The following THOC7 variants were observed in gnomAD, a reference collection of about 807,000 sequenced individuals.
THOC7 encodes NIF3L1-binding protein 1.
A neutral mutation model predicts 33.1 loss-of-function variants in THOC7; 22 were observed. The observed-to-expected ratio is 0.66, with a 90% CI of 0.47 to 0.95. The LOEUF (loss-of-function observed/expected upper bound fraction) is 0.95, where lower values mean the gene tolerates loss of function less well. THOC7 is among the 40% of genes least tolerant of loss of function. The pLI, the probability that THOC7 is intolerant of heterozygous loss-of-function variation, is 0.00. For synonymous variants in THOC7, 77 were observed against 76.8 expected (o/e 1.00, Z -0.01); for missense variants, 184 against 245.3 (o/e 0.75, Z 1.67).
chr3:63,847,593 C>T lies in THOC7; in HGVS notation c.20-7820G>A, dbSNP rs985082056. ...TTCTACCAAAAATACAAAAATTAGC[C>T]GGGTGTGGGGTTGCGTGCCTGTAAT... On this transcript the variant is annotated intron_variant, in intron 1 of 7. Transcript: ENST00000295899. 3.9e-5 allele frequency among the ~76,000 whole-genome samples: 6 copies of T among 152,028 alleles called. No individual in the cohort carries two copies. In the South Asian group the frequency reaches 8.3e-4, roughly 21 times the overall value.
At position 63,835,690 on chromosome 3, in the gene THOC7, GT is replaced by G. The variant is rs549931265; in HGVS notation, c.411-301del. ...CATATTGTGAAGTTTAACTTCGAGG[GT>G]TTTTTATTTTGGTAAAAGAAATAAA... On this transcript the variant is annotated intron_variant, in intron 5 of 7. Transcript: ENST00000295899. 5.9e-5 allele frequency among the ~76,000 whole-genome samples: 9 copies of G among 152,114 alleles called. No homozygotes were observed. The South Asian group carries it at 1.9e-3, about 32-fold the overall frequency.
chr3:63,851,533 A>G (rs1291419579), intron 1 of THOC7, among the ~76,000 whole-genome samples: 2 of 152,242 alleles, frequency 1.3e-5, no homozygotes, highest in African/African-American at 4.8e-5. Flanking sequence ...GTAAGAGATC[A>G]GAAGAGAATA....
At chr3:63,862,888 T>A (rs931625027) in intron 1 of THOC7, among the ~76,000 whole-genome samples, 3 of 152,040 alleles carry the variant, frequency 2.0e-5, no homozygotes, top group African/African-American at 7.2e-5. Flanking sequence ...TTATTTCCGC[T>A]CTCAGTCCAT....
Position 63,837,997 on chromosome 3 carries a change from G to GT in THOC7, c.330dup (p.Arg111ThrfsTer10). 1.2e-6 allele frequency: 2 copies of GT among 1,607,278 alleles called. No homozygotes were observed. Among genetic ancestry groups the GT allele is most frequent in the Non-Finnish European group, 1.7e-6 (2 of 1,177,300 alleles). On this transcript the variant is annotated frameshift_variant, in exon 4 of 8. Coordinates refer to ENST00000295899, the MANE Select transcript of THOC7 (RefSeq NM_025075.4). LOFTEE classifies it high-confidence loss of function. ...TTACCTTGGCGATTTTTTCGTATTC[G>GT]TTTTGCTTGAAGAATTTGCTTTTTG...
At chr3:63,844,846 A>G (rs1701852721) in intron 1 of THOC7, among the ~76,000 whole-genome samples, 1 of 152,206 alleles carries the variant, frequency 6.6e-6, no homozygotes, top group South Asian at 2.1e-4. Context: ...TAAATTACCC[A>G]TTCTCTGGTA....
intron 7 of THOC7, among the ~76,000 whole-genome samples, chr3:63,834,546 G>T (rs929573515): frequency 5.3e-5 from 8 of 151,764 alleles, no homozygotes; most frequent in African/African-American, 1.9e-4. Context: ...TGTAATTCCA[G>T]CTACTAGGGA....
intron 7 of THOC7, 125 bp from the exon 8 acceptor site, chr3:63,834,324 G>A: frequency 3.5e-6 from 3 of 848,740 alleles, no homozygotes; most frequent in African/African-American, 1.7e-5. Flanking sequence ...GCTACTAGTT[G>A]AATCAAACTT....
intron 4 of THOC7, 83 bp downstream of exon 4, chr3:63,837,893 T>G: frequency 7.8e-7 from 1 of 1,280,850 alleles, no homozygotes; most frequent in South Asian, 1.5e-5. Context: ...AGGCTGCAGA[T>G]TTTACCTCAC....
At chr3:63,850,580 C>A (rs1035221076) in intron 1 of THOC7, among the ~76,000 whole-genome samples, 2 of 137,918 alleles carry the variant, frequency 1.5e-5, no homozygotes, top group African/African-American at 2.8e-5. Flanking sequence ...ATCTTTCTTT[C>A]TTTCCTTTTT....
intron 1 of THOC7, among the ~76,000 whole-genome samples, chr3:63,841,523 T>G (rs1452255817): frequency 1.3e-5 from 2 of 152,212 alleles, no homozygotes; most frequent in South Asian, 2.1e-4. Context: ...TGAGCGCAGG[T>G]GCAGCGGAGA....
intron 1 of THOC7, among the ~76,000 whole-genome samples, chr3:63,862,276 C>T (rs1179278746): frequency 6.6e-6 from 1 of 152,192 alleles, no homozygotes; most frequent in Admixed American, 6.5e-5. Context: ...AACACCAGTC[C>T]AATATCTATT....
intron 4 of THOC7, among the ~76,000 whole-genome samples, chr3:63,836,778 T>G (rs1451789503): frequency 6.6e-6 from 1 of 151,982 alleles, no homozygotes; most frequent in Non-Finnish European, 1.5e-5. Context: ...AAATTACACT[T>G]CTCACTCATT....
upstream of THOC7, chr3:63,863,951 G>GA: frequency 1.2e-5 from 1 of 81,238 alleles, no homozygotes; most frequent in Non-Finnish European, 2.7e-5. Flanking sequence ...GCGCCGCGCC[G>GA]CGCCGCCGCC....
chr3:63,858,202 A>C (rs1308889369), intron 1 of THOC7, among the ~76,000 whole-genome samples: 1 of 152,188 alleles, frequency 6.6e-6, no homozygotes, highest in African/African-American at 2.4e-5. Context: ...CAATAAATTA[A>C]ATGGTCACTC....
At position 63,851,967 on chromosome 3, in the gene THOC7, G is replaced by T. The variant is rs562702877; in HGVS notation, c.19+11805C>A. On this transcript the variant is annotated intron_variant, in intron 1 of 7. Coordinates refer to ENST00000295899, the MANE Select transcript of THOC7 (RefSeq NM_025075.4). ...ATAGGCGGGTAGAATGGTTTTGGAG[G>T]ACTGACCTAGGGTGCCCTCCATAGG... 4.5e-4 allele frequency among the ~76,000 whole-genome samples: 68 copies of T among 152,252 alleles called. No homozygotes were observed. The South Asian group carries it at 0.014, about 31-fold the overall frequency.
At chr3:63,834,403 T>C (rs1025040187) in intron 7 of THOC7, among the ~76,000 whole-genome samples, 38 of 151,532 alleles carry the variant, frequency 2.5e-4, no homozygotes, top group Non-Finnish European at 7.4e-5. Context: ...CTCATGCCTA[T>C]AATCCCAGCA....
chr3:63,850,054 C>T (rs1209492054), intron 1 of THOC7, among the ~76,000 whole-genome samples: 1 of 152,152 alleles, frequency 6.6e-6, no homozygotes, highest in Non-Finnish European at 1.5e-5. Flanking sequence ...TTTCCCAAGA[C>T]CATTGGAATA....
rs773623030 is a variant in THOC7, at chr3:63,834,127, C to A, written c.*5G>T. The A allele has an allele frequency of 6.2e-7, 1 of 1,613,850 alleles. No homozygotes were observed. The highest frequency in any genetic ancestry group is 1.7e-5 in the Admixed American group (1 of 59,972). On this transcript the variant is annotated 3_prime_UTR_variant, in exon 8 of 8. Transcript: ENST00000295899. ...ATTCCTGGGAGTGGTGGGCAATTAG[C>A]CTGTCTATGGCTTAGGATCTGTTTC... is the stretch of plus-strand genomic sequence containing the variant.
chr3:63,851,850 T>C (rs1702025340), intron 1 of THOC7, among the ~76,000 whole-genome samples: 1 of 152,212 alleles, frequency 6.6e-6, no homozygotes, highest in African/African-American at 2.4e-5. Flanking sequence ...TCTGGCCCAA[T>C]TCTAGAATCG....
Sources: gnomAD v4.1 joint callset for allele counts (sites outside exome capture counted in the v4.1 genomes callset) on GRCh38, gnomAD v4.1.1 for gene constraint, MANE v1.5 for transcripts, NCBI Gene and HGNC (gene_info 2026-07-23, HGNC 2026-07-21) for gene names.